Variants in SLC16A2 observed in about 807,000 individuals in gnomAD.
SLC16A2 encodes the protein solute carrier family 16 member 2, also known as monocarboxylate transporter 8.
A neutral mutation model predicts 27.2 loss-of-function variants in SLC16A2; 3 were observed. That is an observed-to-expected ratio of 0.11 (90% CI 0.05 to 0.28). The LOEUF (loss-of-function observed/expected upper bound fraction) is 0.28. Among genes scored for constraint, SLC16A2 ranks in the 10% least tolerant of loss-of-function variants. SLC16A2 has a pLI of 1.00. For missense variants in SLC16A2, 295 were observed against 458.5 expected (o/e 0.64, Z 3.26); for synonymous variants, 202 against 187.8 (o/e 1.08, Z -0.62).
At chrX:74,481,138 T>A (rs770127647) in intron 1 of SLC16A2, among the ~76,000 whole-genome samples, 7 of 112,416 alleles carry the variant, frequency 6.2e-5, no homozygotes, top group African/African-American at 2.3e-4. Context: ...TTGCTAGATT[T>A]TGTCAATGAT....
chrX:74,523,639 C>T (rs1930445105), intron 2 of SLC16A2, among the ~76,000 whole-genome samples: 1 of 111,426 alleles, frequency 9.0e-6, no homozygotes, highest in Non-Finnish European at 1.9e-5. Context: ...GCTCCACTTC[C>T]TGTCAAGGAG....
intron 1 of SLC16A2, among the ~76,000 whole-genome samples, chrX:74,475,648 A>C (rs1929460705): frequency 8.9e-6 from 1 of 111,833 alleles, no homozygotes; most frequent in Admixed American, 9.5e-5. Context: ...ATCTTGAATT[A>C]ATTTTAGTAT....
chrX:74,503,416 G>A (rs1930071565), intron 1 of SLC16A2, among the ~76,000 whole-genome samples: 1 of 111,755 alleles, frequency 8.9e-6, no homozygotes, highest in Non-Finnish European at 1.9e-5. Flanking sequence ...TCTTGGTACA[G>A]TGGGGAGTCT....
intron 1 of SLC16A2, among the ~76,000 whole-genome samples, chrX:74,496,832 G>A (rs1471269919): frequency 3.6e-5 from 4 of 112,014 alleles, no homozygotes; most frequent in East Asian, 2.8e-4. Context: ...CCCTGGAGTC[G>A]GGTCGCTCAG....
At chrX:74,476,878 G>T (rs1461898605) in intron 1 of SLC16A2, 1 of 111,745 alleles carries the variant, frequency 8.9e-6, no homozygotes, top group African/African-American at 3.3e-5. Context: ...GATTTGGTTT[G>T]CCAGTATTTT....
At chrX:74,479,179 A>G (rs1343233354) in intron 1 of SLC16A2, among the ~76,000 whole-genome samples, 3 of 111,215 alleles carry the variant, frequency 2.7e-5, no homozygotes, top group Admixed American at 9.6e-5. Context: ...GGCTTTGTTC[A>G]TTTCTTTTTA....
chrX:74,500,643 T>C (rs774210148), intron 1 of SLC16A2, among the ~76,000 whole-genome samples: 6 of 111,608 alleles, frequency 5.4e-5, no homozygotes, highest in Non-Finnish European at 3.8e-5. Context: ...AGTGAGAACA[T>C]ACAACATTTA....
At chrX:74,435,750 G>C (rs1274470952) in intron 1 of SLC16A2, among the ~76,000 whole-genome samples, 3 of 107,766 alleles carry the variant, frequency 2.8e-5, no homozygotes, top group Non-Finnish European at 5.8e-5. Context: ...AAAAGTTCAG[G>C]GGCTCATGAA....
At position 74,524,776 on chromosome X, in the gene SLC16A2, T is replaced by C. The variant is rs780960594; in HGVS notation, c.993T>C (p.Ala331=). The C allele has an allele frequency of 5.0e-6, 6 of 1,208,797 alleles. No homozygotes were observed. The Admixed American group carries it at 1.1e-4, about 22-fold the overall frequency. Residue 331 remains alanine (A), a synonymous_variant, in exon 3 of 6, where the codon GCT becomes GCC. Transcript: ENST00000587091. Reference sequence around the variant, plus strand: ...TCTGGGCCTTCGGAATTGCTGCTGCTGCCCTTGGCTACTTTGTTCCCTATG... The same window carrying C: ...TCTGGGCCTTCGGAATTGCTGCTGCCGCCCTTGGCTACTTTGTTCCCTATG... ...YRIWAFGIAA[A]ALGYFVPYVH...
At chrX:74,457,836 A>G (rs1391419909) in intron 1 of SLC16A2, among the ~76,000 whole-genome samples, 1 of 111,390 alleles carries the variant, frequency 9.0e-6, no homozygotes, top group Non-Finnish European at 1.9e-5. Flanking sequence ...AGCACAAAGC[A>G]GAGAGAAGGG....
At chrX:74,493,902 G>T (rs1278483542) in intron 1 of SLC16A2, among the ~76,000 whole-genome samples, 1 of 111,447 alleles carries the variant, frequency 9.0e-6, no homozygotes, top group Non-Finnish European at 1.9e-5. Flanking sequence ...CCCAGCCCTG[G>T]GCCAGACTCT....
At chrX:74,441,023 A>C (rs1247340181) in intron 1 of SLC16A2, among the ~76,000 whole-genome samples, 2 of 108,745 alleles carry the variant, frequency 1.8e-5, no homozygotes, top group Non-Finnish European at 3.8e-5. Flanking sequence ...GCTGGAGTGC[A>C]GTGGCGCCAT....
chrX:74,478,086 G>T (rs753343144), intron 1 of SLC16A2, among the ~76,000 whole-genome samples: 1 of 111,622 alleles, frequency 9.0e-6, no homozygotes, highest in South Asian at 3.8e-4. Flanking sequence ...TGACAGTGGG[G>T]TGTTAAAGTC....
intron 1 of SLC16A2, among the ~76,000 whole-genome samples, chrX:74,515,926 C>T (rs1602139180): frequency 8.9e-6 from 1 of 111,948 alleles, no homozygotes; most frequent in East Asian, 2.8e-4. Context: ...ATTATTTAAC[C>T]AGAAAAGAAA....
At chrX:74,494,151 T>A (rs1387642451) in intron 1 of SLC16A2, among the ~76,000 whole-genome samples, 2 of 112,457 alleles carry the variant, frequency 1.8e-5, no homozygotes, top group African/African-American at 6.5e-5. Flanking sequence ...GTGCTCACAC[T>A]TTGGATACAA....
intron 1 of SLC16A2, among the ~76,000 whole-genome samples, chrX:74,446,938 T>C (rs1016256514): frequency 8.9e-6 from 1 of 112,538 alleles, no homozygotes; most frequent in African/African-American, 3.2e-5. Context: ...CTGTGACAGA[T>C]ACAGTTCTCC....
At chrX:74,491,444 C>G (rs1195164357) in intron 1 of SLC16A2, among the ~76,000 whole-genome samples, 1 of 111,954 alleles carries the variant, frequency 8.9e-6, no homozygotes, top group East Asian at 2.8e-4. Flanking sequence ...ATTGTGGAGA[C>G]CAAAGTTTAA....
intron 1 of SLC16A2, 50 bp downstream of exon 1, chrX:74,422,117 TC>T (rs1480394011): frequency 2.6e-6 from 3 of 1,135,785 alleles, no homozygotes. Context: ...GGTTGGCCGC[TC>T]CCGCTGCCAC....
chrX:74,487,072 G>T (rs960725104), intron 1 of SLC16A2, among the ~76,000 whole-genome samples: 6 of 109,819 alleles, frequency 5.5e-5, no homozygotes, highest in Non-Finnish European at 1.1e-4. Flanking sequence ...TTTATGTTCT[G>T]GTCGCAGGAA....
Sources: gnomAD v4.1 joint callset for allele counts (sites outside exome capture counted in the v4.1 genomes callset) on GRCh38, gnomAD v4.1.1 for gene constraint, MANE v1.5 for transcripts, NCBI Gene and HGNC (gene_info 2026-07-23, HGNC 2026-07-21) for gene names.